Variants in ZNF251 observed in about 807,000 individuals in gnomAD.
The protein encoded by ZNF251 is zinc finger protein 251.
A neutral mutation model predicts 13.5 loss-of-function variants in ZNF251; 14 were observed. The observed-to-expected ratio is 1.04, with a 90% CI of 0.69 to 1.63. The LOEUF is 1.63. ZNF251 is among the 40% of genes most tolerant of loss of function. ZNF251 has a pLI of 0.00. For synonymous variants in ZNF251, 287 were observed against 295.2 expected (o/e 0.97, Z 0.28); for missense variants, 764 against 834.9 (o/e 0.92, Z 1.05).
In ZNF251 at chr8:144,727,651, G is replaced by A. The variant is rs191681795; in HGVS notation, c.278-4269C>T. Among the ~76,000 whole-genome samples, 39 of 152,304 alleles carry A rather than the reference G, an allele frequency of 2.6e-4. No individual in the cohort carries two copies. In the South Asian group the frequency reaches 2.7e-3, roughly 11 times the overall value. Reference sequence around the variant, plus strand: ...AGAGTTGGGGCCTTGCTCTTGAGGCGAAGCTTTGGCTTAAGGGAATGTGTC... The same window carrying A: ...AGAGTTGGGGCCTTGCTCTTGAGGCAAAGCTTTGGCTTAAGGGAATGTGTC... On this transcript the variant is annotated intron_variant, in intron 4 of 4. Coordinates refer to ENST00000292562, the MANE Select transcript of ZNF251 (RefSeq NM_138367.2).
chr8:144,732,777 A>T (rs553096933), intron 4 of ZNF251, among the ~76,000 whole-genome samples: 8 of 146,694 alleles, frequency 5.5e-5, no homozygotes, highest in South Asian at 4.3e-4. Flanking sequence ...GCACCACTGC[A>T]CTCCAGCCTG....
intron 4 of ZNF251, among the ~76,000 whole-genome samples, chr8:144,744,947 T>A (rs1277426144): frequency 6.6e-6 from 1 of 151,996 alleles, no homozygotes; most frequent in African/African-American, 2.4e-5. Context: ...TCCCAGCTAC[T>A]AGGGAGGCTG....
intron 4 of ZNF251, among the ~76,000 whole-genome samples, chr8:144,747,270 A>G (rs1824472831): frequency 6.6e-6 from 1 of 152,302 alleles, no homozygotes; most frequent in African/African-American, 2.4e-5. Flanking sequence ...TTTTCTAGCT[A>G]TCTTTCTGGT....
At chr8:144,739,474 C>T (rs903776065) in intron 4 of ZNF251, among the ~76,000 whole-genome samples, 1 of 152,198 alleles carries the variant, frequency 6.6e-6, no homozygotes, top group African/African-American at 2.4e-5. Context: ...AACTAGACTC[C>T]AACCTACAGG....
chr8:144,722,130 A>C lies in ZNF251; in HGVS notation c.1530T>G (p.Val510=). 6.2e-7 allele frequency: 1 copy of C among 1,614,124 alleles called. No individual in the cohort carries two copies. Among genetic ancestry groups the C allele is most frequent in the Non-Finnish European group, 8.5e-7 (1 of 1,180,002 alleles). Residue 510 remains valine, a synonymous_variant, in exon 5 of 5, where the codon GTT becomes GTG. Coordinates refer to ENST00000292562, the MANE Select transcript of ZNF251 (RefSeq NM_138367.2). This position sits in a 1 kb window ranked among gnomAD's most constrained non-coding sequence, Gnocchi z 4.8. ...RRSTLIQHQK[V]HSGETRKCRK... is the part of the protein sequence containing the mutation. ...TGCACTTACGAGTCTCTCCGCTGTGAACTTTCTGATGCTGAATGAGGGTTG... is the reference window on the plus strand; with the variant it reads ...TGCACTTACGAGTCTCTCCGCTGTGCACTTTCTGATGCTGAATGAGGGTTG...
chr8:144,754,827 C>G, intron 1 of ZNF251, 24 bp from the exon 2 acceptor site: 1 of 1,527,000 alleles, frequency 6.5e-7, no homozygotes. Flanking sequence ...AACTCAGGCT[C>G]AGCCCCATTC....
chr8:144,721,686 G>A lies in ZNF251; in HGVS notation c.1974C>T (p.Tyr658=). 7.4e-7 allele frequency: 1 copy of A among 1,352,068 alleles called. No homozygotes were observed. Among genetic ancestry groups the A allele is most frequent in the African/African-American group, 1.5e-5 (1 of 68,356 alleles). The allele number at this position is 1,352,068 out of a possible 1,614,324, so 83.8% of individuals were successfully genotyped here. A position where few individuals can be genotyped will look rare whatever the true frequency, so the allele number is the denominator to read the frequency against. Residue 658 remains tyrosine (Y), a synonymous_variant, in exon 5 of 5, where the codon TAC becomes TAT. Transcript: ENST00000292562. ...GGAAAATCTTCTTGATATGAATAAAGTATCTTTTAGAGCCATCATTTAAAG... is the reference window on the plus strand; with the variant it reads ...GGAAAATCTTCTTGATATGAATAAAATATCTTTTAGAGCCATCATTTAAAG... ...KPALNDGSKR[Y]FIHIKKIFQE... is the part of the protein sequence containing the mutation.
chr8:144,746,093 C>T (rs796504947), intron 4 of ZNF251, among the ~76,000 whole-genome samples: 3 of 152,292 alleles, frequency 2.0e-5, no homozygotes, highest in African/African-American at 7.2e-5. Context: ...AATTCCACTT[C>T]TTCGTTGCCA....
chr8:144,753,869 C>A (rs928370020), intron 3 of ZNF251, 73 bp from the exon 4 acceptor site: 5 of 1,194,998 alleles, frequency 4.2e-6, no homozygotes, highest in Non-Finnish European at 5.9e-6. Context: ...GAGAGATGGG[C>A]CCTGTGTGCA....
At chr8:144,751,460 T>G (rs1034707613) in intron 4 of ZNF251, among the ~76,000 whole-genome samples, 2 of 152,230 alleles carry the variant, frequency 1.3e-5, no homozygotes, top group Non-Finnish European at 2.9e-5. Flanking sequence ...TTACAAGATT[T>G]CTGGATTTAT....
intron 4 of ZNF251, 88 bp downstream of exon 4, chr8:144,753,595 A>G (rs1381847078): frequency 1.9e-6 from 2 of 1,061,752 alleles, no homozygotes; most frequent in East Asian, 5.2e-5. Context: ...ATTAATATGA[A>G]CGCCATGCCC....
intron 4 of ZNF251, among the ~76,000 whole-genome samples, chr8:144,752,723 G>A (rs1824753752): frequency 6.6e-6 from 1 of 152,186 alleles, no homozygotes; most frequent in African/African-American, 2.4e-5. Context: ...AAAAGGACCA[G>A]AGATAAACAA....
At chr8:144,737,781 G>A (rs906164411) in intron 4 of ZNF251, among the ~76,000 whole-genome samples, 8 of 137,170 alleles carry the variant, frequency 5.8e-5, no homozygotes, top group South Asian at 4.9e-4. Context: ...GCAGTGAGCC[G>A]AGATCGAGAT....
At chr8:144,742,368 G>C (rs1824202689) in intron 4 of ZNF251, among the ~76,000 whole-genome samples, 1 of 152,122 alleles carries the variant, frequency 6.6e-6, no homozygotes, top group Non-Finnish European at 1.5e-5. Context: ...AAGAGCACTA[G>C]AGATGGAAAA....
chr8:144,738,375 G>A (rs1367692122), intron 4 of ZNF251, among the ~76,000 whole-genome samples: 1 of 152,198 alleles, frequency 6.6e-6, no homozygotes, highest in African/African-American at 2.4e-5. Context: ...ACACTGAGTG[G>A]AAGCAGCACC....
At chr8:144,755,328 GCCTCCCCGCGCCCTCCCCGCGC>G in intron 1 of ZNF251, 55 bp downstream of exon 1, 1 of 1,280,560 alleles carries the variant, frequency 7.8e-7, no homozygotes, top group Non-Finnish European at 1.0e-6. Context: ...ACTGGCCGCC[GCCTCCCCGCGCCCTCCCCGCGC>G]CCTCCCCGCC....
chr8:144,722,536 T>C lies in ZNF251; in HGVS notation c.1124A>G (p.Lys375Arg). The C allele has an allele frequency of 6.2e-7, 1 of 1,614,098 alleles. No homozygotes were observed. Among genetic ancestry groups the C allele is most frequent in the Non-Finnish European group, 8.5e-7 (1 of 1,179,978 alleles). ...IQHERIHTGE[K>R]PHKCNQCGKA... is the part of the protein sequence containing the mutation. ...CCCACACTGATTGCATTTATGGGGC[T>C]TCTCTCCAGTGTGAATTCTCTCATG... The change falls in exon 5 of 5, where the codon AAG becomes AGG. Residue 375 changes from lysine (K) to arginine (R), a missense_variant. Coordinates refer to ENST00000292562, the MANE Select transcript of ZNF251 (RefSeq NM_138367.2). This position sits in a 1 kb window ranked among gnomAD's most constrained non-coding sequence, Gnocchi z 4.8.
Position 144,723,227 on chromosome 8 carries a change from C to T in ZNF251, c.433G>A (p.Glu145Lys), listed in dbSNP as rs773135594. The T allele has an allele frequency of 6.2e-7, 1 of 1,613,520 alleles. No homozygotes were observed. The highest frequency in any genetic ancestry group is 1.7e-5 in the Admixed American group (1 of 59,908). The change falls in exon 5 of 5, where the codon GAG (glutamate) becomes AAG (lysine). Residue 145 changes from glutamate to lysine, a missense_variant. Coordinates refer to ENST00000292562, the MANE Select transcript of ZNF251 (RefSeq NM_138367.2). ...EAWGREGKLK[E>K]RVGNSAGQSL... Reference sequence around the variant, plus strand: ...TGCCCGGCAGAATTTCCCACGCGCTCTTTGAGTTTGCCCTCACGGCCCCAT... The same window carrying T: ...TGCCCGGCAGAATTTCCCACGCGCTTTTTGAGTTTGCCCTCACGGCCCCAT...
At chr8:144,751,286 G>C (rs773027108) in intron 4 of ZNF251, among the ~76,000 whole-genome samples, 1 of 152,150 alleles carries the variant, frequency 6.6e-6, no homozygotes, top group Non-Finnish European at 1.5e-5. Flanking sequence ...GTCCTTACAT[G>C]TCAGAAACAG....
Sources: allele counts gnomAD v4.1 joint callset (sites outside exome capture counted in the v4.1 genomes callset), GRCh38; gene constraint gnomAD v4.1.1; non-coding constraint Gnocchi (gnomAD v3.1); transcripts MANE v1.5; gene names NCBI Gene and HGNC (gene_info 2026-07-23, HGNC 2026-07-21).